The following SH3GL3 variants were observed in gnomAD, a reference collection of about 807,000 sequenced individuals.
SH3GL3 encodes the protein SH3 domain containing GRB2 like 3, endophilin A3.
In SH3GL3, 33 loss-of-function variants were observed where a neutral mutation model predicts 47.7. The ratio of observed to expected loss-of-function variants is 0.69; its 90% CI spans 0.52 to 0.92. SH3GL3 has a LOEUF of 0.92. Among genes scored for constraint, SH3GL3 ranks in the 40% least tolerant of loss-of-function variants. SH3GL3 has a pLI of 0.00. For missense variants in SH3GL3, 363 were observed against 417.8 expected (o/e 0.87, Z 1.14); for synonymous variants, 155 against 148.8 (o/e 1.04, Z -0.30).
In SH3GL3 at chr15:83,604,150, AG is replaced by A. The variant is rs913464639; in HGVS notation, c.839-13931del. ...AACAAGAGTGAAACTCTGTCTAAAA[AG>A]AAAAAAAAAAAGAAGCTAGGTATAA... On this transcript the variant is annotated intron_variant, in intron 8 of 8. Coordinates refer to ENST00000427482, the MANE Select transcript of SH3GL3 (RefSeq NM_003027.5). 3.7e-4 allele frequency among the ~76,000 whole-genome samples: 57 copies of A among 152,230 alleles called. 1 individual carries two copies. Among genetic ancestry groups the A allele is most frequent in the Non-Finnish European group, 4.9e-4 (33 of 68,008 alleles).
At chr15:83,523,872 C>CA (rs1175460307) in intron 1 of SH3GL3, among the ~76,000 whole-genome samples, 1 of 147,584 alleles carries the variant, frequency 6.8e-6, no homozygotes, top group East Asian at 2.0e-4. Context: ...TTGGCAAAAG[C>CA]AACAACTGCC....
At chr15:83,518,391 C>T (rs1000569344) in intron 1 of SH3GL3, among the ~76,000 whole-genome samples, 4 of 152,166 alleles carry the variant, frequency 2.6e-5, no homozygotes, top group Non-Finnish European at 5.9e-5. Context: ...CACAGCCTCA[C>T]CATTATCTGT....
At chr15:83,502,138 T>C (rs2042322589) in intron 1 of SH3GL3, among the ~76,000 whole-genome samples, 1 of 152,264 alleles carries the variant, frequency 6.6e-6, no homozygotes, top group Non-Finnish European at 1.5e-5. Context: ...GTGACAACTA[T>C]GTGTCTAAAT....
At chr15:83,541,298 C>T (rs1366671669) in intron 1 of SH3GL3, among the ~76,000 whole-genome samples, 2 of 126,350 alleles carry the variant, frequency 1.6e-5, no homozygotes, top group African/African-American at 5.8e-5. Context: ...ATGGCTGGAT[C>T]ATATGGTAAT....
intron 1 of SH3GL3, among the ~76,000 whole-genome samples, chr15:83,480,207 A>G (rs573569502): frequency 6.6e-6 from 1 of 152,224 alleles, no homozygotes; most frequent in Non-Finnish European, 1.5e-5. Context: ...CTTTAACTCT[A>G]TCACCCTTCA....
At chr15:83,461,939 C>T (rs1449204079) in intron 1 of SH3GL3, among the ~76,000 whole-genome samples, 4 of 151,932 alleles carry the variant, frequency 2.6e-5, no homozygotes, top group African/African-American at 9.7e-5. Flanking sequence ...AGTGATATAC[C>T]CTTTATTAGA....
At chr15:83,577,588 C>T (rs755797784) in intron 6 of SH3GL3, among the ~76,000 whole-genome samples, 18 of 152,152 alleles carry the variant, frequency 1.2e-4, no homozygotes, top group African/African-American at 2.4e-4. Context: ...ATGGGAGTTT[C>T]GCCATGTTGC....
Position 83,491,805 on chromosome 15 carries a change from G to A in SH3GL3, c.45+44227G>A, listed in dbSNP as rs1297572406. Among the ~76,000 whole-genome samples, 4 of 152,118 alleles carry A rather than the reference G, an allele frequency of 2.6e-5. No individual in the cohort carries two copies. The East Asian group carries it at 7.7e-4, about 29-fold the overall frequency. On this transcript the variant is annotated intron_variant, in intron 1 of 8. Coordinates refer to ENST00000427482, the MANE Select transcript of SH3GL3 (RefSeq NM_003027.5). ...CATGTGGAAGAAGTTGGTCGGCTTGGGAATATGCTGAATCAAGCAACATAA... is the reference window on the plus strand; with the variant it reads ...CATGTGGAAGAAGTTGGTCGGCTTGAGAATATGCTGAATCAAGCAACATAA...
At chr15:83,450,358 G>T (rs1368150527) in intron 1 of SH3GL3, among the ~76,000 whole-genome samples, 2 of 152,168 alleles carry the variant, frequency 1.3e-5, no homozygotes, top group Non-Finnish European at 2.9e-5. Flanking sequence ...TCTTAAGTAA[G>T]TTAAGCATTT....
chr15:83,627,528 C>T, the SH3GL3 span, among the ~76,000 whole-genome samples: 1 of 152,120 alleles, frequency 6.6e-6, no homozygotes, highest in Non-Finnish European at 1.5e-5. Context: ...GAGACAGAAG[C>T]ACTGCAGAAT....
chr15:83,578,485 A>C (rs2151786449), intron 6 of SH3GL3, among the ~76,000 whole-genome samples: 1 of 152,338 alleles, frequency 6.6e-6, no homozygotes, highest in South Asian at 2.1e-4. Context: ...GTCAAAATGC[A>C]TTGAGCACCC....
chr15:83,450,804 A>ATTTTT (rs34099509), intron 1 of SH3GL3, among the ~76,000 whole-genome samples: 3 of 58,822 alleles, frequency 5.1e-5, no homozygotes, highest in African/African-American at 8.0e-5. Context: ...TTTTTTTTTA[A>ATTTTT]TTTTTTTTTT....
chr15:83,474,066 T>C (rs533718997), intron 1 of SH3GL3, among the ~76,000 whole-genome samples: 2 of 152,186 alleles, frequency 1.3e-5, no homozygotes, highest in South Asian at 4.1e-4. Context: ...TTTTAAATTG[T>C]AGTTAGTGTG....
chr15:83,597,860 G>C (rs1210938756), intron 8 of SH3GL3, among the ~76,000 whole-genome samples: 1 of 152,066 alleles, frequency 6.6e-6, no homozygotes, highest in Non-Finnish European at 1.5e-5. Context: ...TGCCCAACTC[G>C]GCCTCCCGAA....
At chr15:83,480,484 G>T (rs1258850013) in intron 1 of SH3GL3, among the ~76,000 whole-genome samples, 2 of 152,182 alleles carry the variant, frequency 1.3e-5, no homozygotes, top group Non-Finnish European at 2.9e-5. Context: ...TTGTTACCTT[G>T]TGGGGCCAGC....
intron 1 of SH3GL3, among the ~76,000 whole-genome samples, chr15:83,468,180 A>T (rs2040664477): frequency 6.6e-6 from 1 of 152,300 alleles, no homozygotes; most frequent in East Asian, 1.9e-4. Flanking sequence ...CTAGTGTATG[A>T]AGATATAATT....
chr15:83,487,203 G>GTTTTTTTTTT (rs34332284), intron 1 of SH3GL3, among the ~76,000 whole-genome samples: 1 of 126,756 alleles, frequency 7.9e-6, no homozygotes, highest in African/African-American at 2.8e-5. Context: ...CGGTTTACCT[G>GTTTTTTTTTT]TTTTTTTTTT....
downstream of SH3GL3, among the ~76,000 whole-genome samples, chr15:83,623,743 T>A (rs1667325549): frequency 6.6e-6 from 1 of 152,252 alleles, no homozygotes; most frequent in South Asian, 2.1e-4. Flanking sequence ...TTCCTCTTCC[T>A]TGAGGATATG....
intron 1 of SH3GL3, among the ~76,000 whole-genome samples, chr15:83,508,703 A>G (rs1250905355): frequency 6.6e-6 from 1 of 152,048 alleles, no homozygotes; most frequent in Non-Finnish European, 1.5e-5. Context: ...TCAGCCTCCC[A>G]AGTAGCTGGG....
Sources: allele counts gnomAD v4.1 joint callset (sites outside exome capture counted in the v4.1 genomes callset), GRCh38; gene constraint gnomAD v4.1.1; transcripts MANE v1.5; gene names NCBI Gene and HGNC (gene_info 2026-07-23, HGNC 2026-07-21).